The following ARHGAP8 variants were observed in gnomAD, a reference collection of about 807,000 sequenced individuals.
The protein encoded by ARHGAP8 is rho GTPase-activating protein 8.
Under a neutral mutation model 46.1 loss-of-function variants are expected in ARHGAP8, and 62 were observed. The observed-to-expected ratio is 1.34, with a 90% confidence interval of 1.10 to 1.66. ARHGAP8 has a LOEUF of 1.66. Among genes scored for constraint, ARHGAP8 ranks in the 40% most tolerant of loss-of-function variants. ARHGAP8 has a pLI of 0.00. For missense variants in ARHGAP8, 923 were observed against 568.4 expected, an observed-to-expected ratio of 1.62 and a Z score of -6.34; for synonymous variants, 375 against 243.1, an observed-to-expected ratio of 1.54 and a Z score of -5.05.
chr22:44,856,661 CACAAA>C lies in ARHGAP8; in HGVS notation c.878-3065_878-3061del, dbSNP rs889283123. 6.9e-5 allele frequency among the ~76,000 whole-genome samples: 10 copies of C among 144,268 alleles called. 4 individuals carry two copies. Among genetic ancestry groups the C allele is most frequent in the African/African-American group, 2.5e-4 (9 of 36,236 alleles). 94.6% of individuals were successfully genotyped at this position (144,268 alleles called of 152,430 possible). A position where few individuals can be genotyped will look rare whatever the true frequency, so the allele number is the denominator to read the frequency against. On this transcript the variant is annotated intron_variant, in intron 10 of 11. Coordinates refer to ENST00000356099, the MANE Select transcript of ARHGAP8 (RefSeq NM_181335.3). ...TGGCCATAAAGGCAAGTTCTCAGGA[CACAAA>C]ACAAGACGAAAGGAGAATCGTATCC...
intron 7 of ARHGAP8, among the ~76,000 whole-genome samples, chr22:44,838,640 G>A (rs377416633): frequency 4.6e-5 from 7 of 152,124 alleles, no homozygotes; most frequent in Non-Finnish European, 7.4e-5. Context: ...TCAGGAACTC[G>A]TCCTCATAAC....
chr22:44,772,253 T>TTTTTTTTTTTTTTTTTC (rs1555909610), intron 1 of ARHGAP8, among the ~76,000 whole-genome samples: 1 of 73,254 alleles, frequency 1.4e-5, no homozygotes, highest in Non-Finnish European at 2.6e-5. Flanking sequence ...TTTTTTTTTT[T>TTTTTTTTTTTTTTTTTC]CAAGACTGAG....
At chr22:44,812,887 T>C (rs934870335) in intron 4 of ARHGAP8, among the ~76,000 whole-genome samples, 3 of 152,160 alleles carry the variant, frequency 2.0e-5, no homozygotes, top group Non-Finnish European at 4.4e-5. Context: ...TAAAATGTCC[T>C]ATTTTATTCA....
intron 3 of ARHGAP8, among the ~76,000 whole-genome samples, chr22:44,806,287 G>C (rs1227086995): frequency 6.6e-6 from 1 of 152,174 alleles, no homozygotes; most frequent in Non-Finnish European, 1.5e-5. Context: ...AGCCCACATG[G>C]TGTTCGAGAC....
intron 10 of ARHGAP8, among the ~76,000 whole-genome samples, chr22:44,854,532 C>T (rs1327520360): frequency 6.6e-6 from 1 of 151,990 alleles, no homozygotes; most frequent in Non-Finnish European, 1.5e-5. Context: ...CATGCCAGGC[C>T]CTTGTTATGC....
intron 1 of ARHGAP8, among the ~76,000 whole-genome samples, chr22:44,771,400 C>T (rs955346343): frequency 6.6e-6 from 1 of 151,354 alleles, no homozygotes; most frequent in African/African-American, 2.4e-5. Context: ...GCGCCCGCCA[C>T]CACGCCCAGC....
chr22:44,792,744 C>T (rs877667), intron 2 of ARHGAP8, among the ~76,000 whole-genome samples: 37,849 of 151,744 alleles, frequency 0.25, 5,091 homozygotes, highest in South Asian at 0.42. Context: ...CTTGAGTGAC[C>T]ATATGCTTGG....
rs151308941 is a variant in ARHGAP8, at chr22:44,796,657, G to C, written c.80-5420G>C. Reference sequence around the variant, plus strand: ...TGATGCTATGATGATGGGCCCAAAGGGGAGGCCTCTTAACTCCACGGGAGA... The same window carrying C: ...TGATGCTATGATGATGGGCCCAAAGCGGAGGCCTCTTAACTCCACGGGAGA... On this transcript the variant is annotated intron_variant, in intron 2 of 11. Transcript: ENST00000356099. Among the ~76,000 whole-genome samples, 936 of 152,202 alleles carry C rather than the reference G, an allele frequency of 6.1e-3. 9 individuals carry two copies. The highest frequency in any genetic ancestry group is 0.021 in the African/African-American group (890 of 41,514).
At chr22:44,841,049 G>T (rs1555918381) in intron 7 of ARHGAP8, among the ~76,000 whole-genome samples, 3 of 152,184 alleles carry the variant, frequency 2.0e-5, no homozygotes, top group Non-Finnish European at 4.4e-5. Context: ...CCTTTCAGGG[G>T]AGTCCCGTTT....
At chr22:44,857,574 T>C (rs557103818) in intron 10 of ARHGAP8, among the ~76,000 whole-genome samples, 2 of 151,992 alleles carry the variant, frequency 1.3e-5, no homozygotes, top group Non-Finnish European at 2.9e-5. Context: ...TGGAGAGGCG[T>C]GGGAAGTGCG....
chr22:44,832,799 G>C (rs1931034454), intron 7 of ARHGAP8, among the ~76,000 whole-genome samples: 1 of 152,108 alleles, frequency 6.6e-6, no homozygotes, highest in South Asian at 2.1e-4. Flanking sequence ...AAAATGATAA[G>C]AGCAGACATG....
At chr22:44,759,903 G>T (rs973061012) in intron 1 of ARHGAP8, among the ~76,000 whole-genome samples, 2 of 152,224 alleles carry the variant, frequency 1.3e-5, no homozygotes, top group Admixed American at 1.3e-4. Flanking sequence ...ATGATCACCT[G>T]GGTGCCCTTG....
At chr22:44,810,737 C>G (rs1929273195) in intron 4 of ARHGAP8, among the ~76,000 whole-genome samples, 2 of 152,062 alleles carry the variant, frequency 1.3e-5, no homozygotes, top group African/African-American at 4.8e-5. Flanking sequence ...TGGCCAGATG[C>G]AAGAAAGAGC....
chr22:44,767,728 C>T (rs980686567), intron 1 of ARHGAP8, among the ~76,000 whole-genome samples: 18 of 151,524 alleles, frequency 1.2e-4, no homozygotes, highest in African/African-American at 3.9e-4. Flanking sequence ...AAAAAATTAG[C>T]CGGGCGCAGA....
chr22:44,849,538 C>T (rs1016474196), intron 10 of ARHGAP8: 1 of 167,754 alleles, frequency 6.0e-6, no homozygotes, highest in African/African-American at 2.4e-5. Context: ...GTCAAATGCT[C>T]AGTGTGGCTG....
intron 1 of ARHGAP8, among the ~76,000 whole-genome samples, chr22:44,763,323 C>T (rs958410834): frequency 3.3e-5 from 5 of 150,844 alleles, no homozygotes; most frequent in Admixed American, 2.6e-4. Flanking sequence ...ATGGTGAAAC[C>T]CCATCTCTAC....
At chr22:44,810,329 C>T (rs1430874349) in intron 4 of ARHGAP8, among the ~76,000 whole-genome samples, 1 of 151,428 alleles carries the variant, frequency 6.6e-6, no homozygotes, top group African/African-American at 2.4e-5. Flanking sequence ...ACAACCTCCA[C>T]CTCCCAGGTT....
chr22:44,792,243 C>T (rs1324934287), intron 2 of ARHGAP8, among the ~76,000 whole-genome samples: 2 of 152,104 alleles, frequency 1.3e-5, no homozygotes, highest in Non-Finnish European at 2.9e-5. Context: ...AACTCCTGAC[C>T]TCATGATCCA....
chr22:44,759,916 C>A (rs372591714), intron 1 of ARHGAP8, among the ~76,000 whole-genome samples: 4 of 152,214 alleles, frequency 2.6e-5, no homozygotes, highest in African/African-American at 9.7e-5. Flanking sequence ...TGCCCTTGCG[C>A]AGGGCAGCAG....
Sources: allele counts gnomAD v4.1 joint callset (sites outside exome capture counted in the v4.1 genomes callset), GRCh38; gene constraint gnomAD v4.1.1; transcripts MANE v1.5; gene names NCBI Gene and HGNC (gene_info 2026-07-23, HGNC 2026-07-21).